NOTCH2NLC: variants seen among roughly 807,000 people sequenced by gnomAD.
NOTCH2NLC encodes the protein notch 2 N-terminal like C, also known as notch homolog 2 N-terminal-like protein C.
Under a neutral mutation model 17.7 loss-of-function variants are expected in NOTCH2NLC, and 4 were observed. That is an observed-to-expected ratio of 0.23 (90% CI 0.11 to 0.52). The LOEUF (loss-of-function observed/expected upper bound fraction) is 0.52, where lower values mean the gene tolerates loss of function less well. Among genes scored for constraint, NOTCH2NLC ranks in the 20% least tolerant of loss-of-function variants. NOTCH2NLC has a pLI of 0.96. For missense variants in NOTCH2NLC, 57 were observed against 207.2 expected (o/e 0.28, Z 4.45); for synonymous variants, 18 against 86.0 (o/e 0.21, Z 4.38).
intron 1 of NOTCH2NLC, among the ~76,000 whole-genome samples, chr1:149,402,060 A>G (rs2084249281): frequency 6.8e-6 from 1 of 147,024 alleles, no homozygotes; most frequent in African/African-American, 2.5e-5. Flanking sequence ...CAGAGCTGGT[A>G]CTTAAACTTG....
chr1:149,415,772 TA>T, intron 1 of NOTCH2NLC, among the ~76,000 whole-genome samples: 1 of 139,408 alleles, frequency 7.2e-6, no homozygotes, highest in Admixed American at 7.2e-5. Flanking sequence ...AGTGGGGCTC[TA>T]AAAAGAAGTT....
rs1415079264 is a variant in NOTCH2NLC, at chr1:149,471,792, G to T, written c.*7639G>T. On this transcript the variant is annotated 3_prime_UTR_variant, in exon 5 of 5. Transcript: ENST00000650865. The stretch of plus-strand genomic sequence containing the variant: ...TTTTGTGATATATGAATTATACTAT[G>T]GAACTAATAATAACAGTAATAAAGC... 1.1e-4 allele frequency among the ~76,000 whole-genome samples: 15 copies of T among 142,672 alleles called. 1 individual carries two copies. Among genetic ancestry groups the T allele is most frequent in the South Asian group, 2.2e-4 (1 of 4,516 alleles). 93.6% of individuals were successfully genotyped at this position (142,672 alleles called of 152,430 possible). A position where few individuals can be genotyped will look rare whatever the true frequency, so the allele number is the denominator to read the frequency against.
rs1320742793 is a variant in NOTCH2NLC at position 149,448,944 on chromosome 1, C to T, written c.210-6374C>T. On this transcript the variant is annotated intron_variant, in intron 2 of 4. Transcript: ENST00000650865. ...TCGCCCAGGCTGGAGTGCAGTGGCGCGATCTTGGCTCACTGCAACCTCCAA... is the reference window on the plus strand; with the variant it reads ...TCGCCCAGGCTGGAGTGCAGTGGCGTGATCTTGGCTCACTGCAACCTCCAA... 1.4e-5 allele frequency among the ~76,000 whole-genome samples: 2 copies of T among 144,722 alleles called. 1 individual carries two copies. The highest frequency in any genetic ancestry group is 3.0e-5 in the Non-Finnish European group (2 of 65,690). 94.9% of individuals were successfully genotyped at this position (144,722 alleles called of 152,430 possible).
rs1304859713 is a variant in NOTCH2NLC, at chr1:149,457,525, A to G, written c.469+1948A>G. Among the ~76,000 whole-genome samples the G allele has an allele frequency of 1.4e-3, 198 of 142,514 alleles. 1 individual carries two copies. The highest frequency in any genetic ancestry group is 4.7e-3 in the African/African-American group (181 of 38,748). 93.5% of individuals were successfully genotyped at this position (142,514 alleles called of 152,430 possible). A position where few individuals can be genotyped will look rare whatever the true frequency, so the allele number is the denominator to read the frequency against. ...AGTGTCTTGGTGGCAATCTTAATATATATATATTGGCAATCTTTATATATA... is the reference window on the plus strand; with the variant it reads ...AGTGTCTTGGTGGCAATCTTAATATGTATATATTGGCAATCTTTATATATA... On this transcript the variant is annotated intron_variant, in intron 3 of 4. Transcript: ENST00000650865.
chr1:149,468,943 ATTTTC>A lies in NOTCH2NLC; in HGVS notation c.*4805_*4809del, dbSNP rs1570925536. 1.2e-5 allele frequency among the ~76,000 whole-genome samples: 1 copy of A among 82,166 alleles called. No homozygotes were observed. Among genetic ancestry groups the A allele is most frequent in the African/African-American group, 4.5e-5 (1 of 22,298 alleles). The allele number at this position is 82,166 out of a possible 152,430, so 53.9% of individuals were successfully genotyped here. On this transcript the variant is annotated 3_prime_UTR_variant, in exon 5 of 5. Transcript: ENST00000650865. ...ATTCTCACACTTGGGGGCATGTGTCATTTTCTTTTCTTTTCTTTTTTTTTTTTTTT... is the reference window on the plus strand; with the variant it reads ...ATTCTCACACTTGGGGGCATGTGTCATTTTCTTTTCTTTTTTTTTTTTTTT...
At chr1:149,462,872 G>A (rs1273472245) in intron 3 of NOTCH2NLC, among the ~76,000 whole-genome samples, 2 of 132,294 alleles carry the variant, frequency 1.5e-5, no homozygotes, top group Non-Finnish European at 3.2e-5. Flanking sequence ...GTCTTGCTGT[G>A]TTGCCCAGGC....
At chr1:149,428,785 T>C (rs2084426858) in intron 1 of NOTCH2NLC, among the ~76,000 whole-genome samples, 1 of 149,752 alleles carries the variant, frequency 6.7e-6, no homozygotes, top group African/African-American at 2.5e-5. Context: ...TCAGGTCTCC[T>C]GAGTCCCTCC....
chr1:149,461,107 G>A (rs1301824176), intron 3 of NOTCH2NLC, among the ~76,000 whole-genome samples: 3 of 150,252 alleles, frequency 2.0e-5, no homozygotes, highest in Non-Finnish European at 3.0e-5. Context: ...GCAAATTTTT[G>A]TAGTTTTAGA....
At chr1:149,414,603 C>T (rs2084320198) in intron 1 of NOTCH2NLC, among the ~76,000 whole-genome samples, 1 of 150,650 alleles carries the variant, frequency 6.6e-6, no homozygotes. Flanking sequence ...AAATGTCTGG[C>T]TATTAAACCA....
intron 1 of NOTCH2NLC, among the ~76,000 whole-genome samples, chr1:149,394,556 C>G (rs2084194617): frequency 6.6e-6 from 1 of 151,102 alleles, no homozygotes; most frequent in East Asian, 2.0e-4. Context: ...CTTCTGTTAT[C>G]TCGTTTTCCT....
intron 1 of NOTCH2NLC, among the ~76,000 whole-genome samples, chr1:149,421,357 G>A (rs1176623238): frequency 1.3e-5 from 2 of 149,846 alleles, no homozygotes; most frequent in East Asian, 2.0e-4. Context: ...AAATTAGCCG[G>A]ATATGGTGGC....
At chr1:149,461,527 G>A (rs1267559811) in intron 3 of NOTCH2NLC, among the ~76,000 whole-genome samples, 3 of 150,628 alleles carry the variant, frequency 2.0e-5, no homozygotes, top group Admixed American at 6.6e-5. Context: ...AAAAACTCTT[G>A]TGTCTCCCAT....
At position 149,413,633 on chromosome 1, in the gene NOTCH2NLC, T is replaced by C. The variant is rs1202074509; in HGVS notation, c.136-17309T>C. On this transcript the variant is annotated intron_variant, in intron 1 of 4. Coordinates refer to ENST00000650865, the MANE Select transcript of NOTCH2NLC (RefSeq NM_001364013.2). ...TCCTACCAGTGTGAGTTAACACTTC[T>C]CTGTACTCTCCCCGGTTCCTCATTT... Among the ~76,000 whole-genome samples the C allele has an allele frequency of 4.4e-4, 66 of 151,126 alleles. 4 individuals carry two copies. The highest frequency in any genetic ancestry group is 1.2e-3 in the African/African-American group (50 of 41,256).
intron 3 of NOTCH2NLC, among the ~76,000 whole-genome samples, chr1:149,460,887 CTTTCTTTCTTTCTT>C (rs2084643611): frequency 7.4e-6 from 1 of 134,518 alleles, no homozygotes; most frequent in Non-Finnish European, 1.6e-5. Context: ...TTCTTTCTTT[CTTTCTTTCTTTCTT>C]TCTTTCTTTC....
chr1:149,435,771 T>C (rs2084478711), intron 2 of NOTCH2NLC, among the ~76,000 whole-genome samples: 1 of 132,344 alleles, frequency 7.6e-6, no homozygotes, highest in African/African-American at 2.8e-5. Flanking sequence ...TCCAGGAATT[T>C]TTCTCCTCAT....
Position 149,461,078 on chromosome 1 carries a change from G to A in NOTCH2NLC, c.470-2413G>A, listed in dbSNP as rs1290914272. 6.2e-4 allele frequency among the ~76,000 whole-genome samples: 93 copies of A among 149,868 alleles called. 1 individual carries two copies. The highest frequency in any genetic ancestry group is 2.2e-3 in the African/African-American group (90 of 40,782). ...GCCTCCCAGGTAGCTGGGATTACAG[G>A]TATGTGCTATGAAGCCCGGCAAATT... is the stretch of plus-strand genomic sequence containing the variant. On this transcript the variant is annotated intron_variant, in intron 3 of 4. Coordinates refer to ENST00000650865, the MANE Select transcript of NOTCH2NLC (RefSeq NM_001364013.2).
At chr1:149,457,520 A>C (rs2084620516) in intron 3 of NOTCH2NLC, among the ~76,000 whole-genome samples, 7 of 140,816 alleles carry the variant, frequency 5.0e-5, no homozygotes, top group African/African-American at 1.6e-4. Context: ...TGGCAATCTT[A>C]ATATATATAT....
chr1:149,424,661 T>C (rs1271545586), intron 1 of NOTCH2NLC, among the ~76,000 whole-genome samples: 1 of 151,040 alleles, frequency 6.6e-6, no homozygotes, highest in Admixed American at 6.6e-5. Flanking sequence ...TAGTCTGTTT[T>C]GCATTGCTCT....
intron 2 of NOTCH2NLC, among the ~76,000 whole-genome samples, chr1:149,433,580 C>G (rs1170437842): frequency 6.9e-6 from 1 of 145,602 alleles, no homozygotes; most frequent in Middle Eastern, 3.6e-3. Context: ...TCTAAGTGTT[C>G]GCCTATATAT....
Sources: allele counts gnomAD v4.1 joint callset (sites outside exome capture counted in the v4.1 genomes callset), GRCh38; gene constraint gnomAD v4.1.1; transcripts MANE v1.5; gene names NCBI Gene and HGNC (gene_info 2026-07-23, HGNC 2026-07-21).